EPB41: variants seen among roughly 807,000 people sequenced by gnomAD.
EPB41 encodes erythrocyte membrane protein band 4.1.
In EPB41, 65 loss-of-function variants were observed where a neutral mutation model predicts 108.0. The observed-to-expected ratio is 0.60, with a 90% CI of 0.49 to 0.74. The LOEUF is 0.74. Ranked by LOEUF, EPB41 falls within the 30% of genes least tolerant of loss-of-function variation. The probability of loss-of-function intolerance (pLI) is 0.00; values close to 1 mark genes in which losing one functional copy is unlikely to be tolerated. For missense variants in EPB41, 875 were observed against 1,037.0 expected, an observed-to-expected ratio of 0.84 and a Z score of 2.15; for synonymous variants, 336 against 358.9, an observed-to-expected ratio of 0.94 and a Z score of 0.72.
chr1:29,042,961 T>G (rs763607476), intron 11 of EPB41, among the ~76,000 whole-genome samples: 1 of 152,182 alleles, frequency 6.6e-6, no homozygotes, highest in Non-Finnish European at 1.5e-5. Flanking sequence ...CAGGTTGGTT[T>G]AACTCCAAAA....
intron 1 of EPB41, among the ~76,000 whole-genome samples, chr1:28,919,713 T>C (rs1180838801): frequency 2.0e-5 from 3 of 152,158 alleles, no homozygotes; most frequent in South Asian, 4.1e-4. Context: ...CCTTGGCCTC[T>C]GAGAGTGCTG....
At chr1:29,057,537 C>T (rs1645763758) in intron 12 of EPB41, among the ~76,000 whole-genome samples, 1 of 151,970 alleles carries the variant, frequency 6.6e-6, no homozygotes, top group Non-Finnish European at 1.5e-5. Flanking sequence ...GAAAATAGCA[C>T]AATGACATTA....
chr1:28,994,943 A>C, intron 3 of EPB41, among the ~76,000 whole-genome samples: 1 of 91,706 alleles, frequency 1.1e-5, no homozygotes, highest in East Asian at 1.6e-3. Flanking sequence ...TATAGGCATG[A>C]GTCACCGCAC....
intron 11 of EPB41, among the ~76,000 whole-genome samples, chr1:29,042,793 T>G (rs1310964442): frequency 6.6e-6 from 1 of 152,092 alleles, no homozygotes; most frequent in Non-Finnish European, 1.5e-5. Flanking sequence ...TTTGGTGTTT[T>G]TCTACTCTCC....
At chr1:28,976,644 G>A (rs1253778056) in intron 1 of EPB41, among the ~76,000 whole-genome samples, 2 of 151,878 alleles carry the variant, frequency 1.3e-5, no homozygotes, top group East Asian at 1.9e-4. Context: ...GTAAGCCACC[G>A]TGCCTGGCCA....
At chr1:29,059,095 T>C (rs1477194909) in intron 14 of EPB41, among the ~76,000 whole-genome samples, 1 of 151,450 alleles carries the variant, frequency 6.6e-6, no homozygotes, top group Non-Finnish European at 1.5e-5. Flanking sequence ...GCCAACATGG[T>C]GAAACCACGT....
At chr1:29,057,712 A>G (rs1645796031) in intron 12 of EPB41, among the ~76,000 whole-genome samples, 1 of 152,138 alleles carries the variant, frequency 6.6e-6, no homozygotes, top group South Asian at 2.1e-4. Flanking sequence ...TCCCTCTATT[A>G]TGCTCCCTCT....
intron 1 of EPB41, among the ~76,000 whole-genome samples, chr1:28,920,456 A>C (rs1570585083): frequency 6.6e-6 from 1 of 152,334 alleles, no homozygotes; most frequent in East Asian, 1.9e-4. Context: ...ATAGCACCGG[A>C]CACAACATAG....
chr1:28,999,062 G>C (rs555851602), intron 4 of EPB41, among the ~76,000 whole-genome samples: 1 of 152,312 alleles, frequency 6.6e-6, no homozygotes, highest in Non-Finnish European at 1.5e-5. Context: ...TTCTACAACT[G>C]TGAGCTAGAA....
chr1:29,059,002 C>A, intron 14 of EPB41, 150 bp downstream of exon 14: 1 of 802,128 alleles, frequency 1.2e-6, no homozygotes, highest in Non-Finnish European at 2.0e-6. Flanking sequence ...GGGCCAGGAG[C>A]ATTGGCTCAC....
intron 17 of EPB41, among the ~76,000 whole-genome samples, chr1:29,100,528 G>A (rs1313724691): frequency 6.8e-6 from 1 of 147,840 alleles, no homozygotes; most frequent in Non-Finnish European, 1.5e-5. Flanking sequence ...AAGAGAATTA[G>A]GGTTGGTCAC....
In EPB41 at chr1:28,887,756, G is replaced by A. The variant is rs2089602667; in HGVS notation, c.-8+546G>A. The A allele has an allele frequency of 2.2e-6, 2 of 927,384 alleles. No homozygotes were observed. Among genetic ancestry groups the A allele is most frequent in the Non-Finnish European group, 2.6e-6 (2 of 776,872 alleles). The allele number at this position is 927,384 out of a possible 1,614,324, so 57.4% of individuals were successfully genotyped here. ...CGACCCGCCAGCTGGGGCGCCGGCT[G>A]TGCCCGCCAGGGTGGCCCCCCCGGC... is the stretch of plus-strand genomic sequence containing the variant. On this transcript the variant is annotated intron_variant, in intron 1 of 16. Coordinates refer to the EPB41 transcript ENST00000347529. The surrounding 1 kb of genome is among the most constrained non-coding windows in gnomAD (Gnocchi z 4.9).
intron 16 of EPB41, 174 bp downstream of exon 16, chr1:29,065,332 GGTAGGCTACCCA>G: frequency 8.0e-7 from 1 of 1,243,014 alleles, no homozygotes; most frequent in Non-Finnish European, 1.1e-6. Context: ...TTTTAAGTCA[GGTAGGCTACCCA>G]GTGCAATTAT....
At chr1:29,071,703 C>T (rs1651520428) in intron 16 of EPB41, 1 of 53,462 alleles carries the variant, frequency 1.9e-5, no homozygotes, top group Non-Finnish European at 6.1e-5. Flanking sequence ...CTCTCTCTCT[C>T]TTCAGGACAA....
intron 1 of EPB41, among the ~76,000 whole-genome samples, chr1:28,953,444 A>G (rs1385231437): frequency 6.6e-6 from 1 of 152,184 alleles, no homozygotes; most frequent in Non-Finnish European, 1.5e-5. Context: ...CCTGCTGCCC[A>G]GGGACCAGAT....
chr1:28,968,168 C>T lies in EPB41; in HGVS notation c.-7-19263C>T, dbSNP rs539821925. On this transcript the variant is annotated intron_variant, in intron 1 of 20. Coordinates refer to ENST00000343067, the MANE Select transcript of EPB41 (RefSeq NM_001376013.1). ...GGTCAAGAGATCGACACCATCCTGG[C>T]CAACATGGTGAAACCCTGTCTCTAC... Among the ~76,000 whole-genome samples the T allele has an allele frequency of 2.6e-4, 40 of 152,104 alleles. No homozygotes were observed. The South Asian group carries it at 8.3e-3, about 32-fold the overall frequency.
At chr1:29,000,923 G>A (rs1376120608) in intron 4 of EPB41, among the ~76,000 whole-genome samples, 1 of 151,990 alleles carries the variant, frequency 6.6e-6, no homozygotes, top group African/African-American at 2.4e-5. Context: ...AACTTCATTA[G>A]CACATGGCCC....
intron 1 of EPB41, among the ~76,000 whole-genome samples, chr1:28,915,391 G>A (rs1245189881): frequency 3.9e-5 from 6 of 152,122 alleles, no homozygotes; most frequent in African/African-American, 1.4e-4. Context: ...TGTCGGCTTG[G>A]AAATCTTCCT....
At chr1:29,019,188 G>A (rs2096613040) in intron 7 of EPB41, among the ~76,000 whole-genome samples, 1 of 152,152 alleles carries the variant, frequency 6.6e-6, no homozygotes, top group Non-Finnish European at 1.5e-5. Context: ...GGCCGAGGCA[G>A]GAGGATAACT....
Sources: allele counts gnomAD v4.1 joint callset (sites outside exome capture counted in the v4.1 genomes callset), GRCh38; gene constraint gnomAD v4.1.1; non-coding constraint Gnocchi (gnomAD v3.1); transcripts MANE v1.5; gene names NCBI Gene and HGNC (gene_info 2026-07-23, HGNC 2026-07-21).